Variants in KDM4C observed in about 807,000 individuals in gnomAD.
The protein encoded by KDM4C is lysine demethylase 4C, also known as lysine-specific demethylase 4C.
KDM4C carries 81 observed loss-of-function variants against 129.3 expected under a neutral mutation model. The observed-to-expected ratio is 0.63, with a 90% CI of 0.52 to 0.75. The LOEUF is 0.75. KDM4C is among the 30% of genes least tolerant of loss of function. The pLI is 0.00. For synonymous variants in KDM4C, 573 were observed against 456.1 expected, an observed-to-expected ratio of 1.26 and a Z score of -3.26; for missense variants, 1,457 against 1,304.0, an observed-to-expected ratio of 1.12 and a Z score of -1.81.
chr9:7,068,534 A>G (rs1005945587), intron 17 of KDM4C, among the ~76,000 whole-genome samples: 1 of 152,040 alleles, frequency 6.6e-6, no homozygotes, highest in African/African-American at 2.4e-5. Flanking sequence ...GCCACATGCT[A>G]ATTATTTCAG....
chr9:6,817,128 GT>G (rs1304704846), intron 4 of KDM4C, among the ~76,000 whole-genome samples: 3 of 146,554 alleles, frequency 2.0e-5, no homozygotes, highest in Non-Finnish European at 4.5e-5. Context: ...GTTGGGATTT[GT>G]TTTTCAGTTA....
At chr9:6,869,814 T>TA (rs1842590877) in intron 5 of KDM4C, among the ~76,000 whole-genome samples, 1 of 152,268 alleles carries the variant, frequency 6.6e-6, no homozygotes, top group Admixed American at 6.5e-5. Context: ...GCATCCCCTA[T>TA]AGCCATGCTT....
At chr9:7,074,613 A>G (rs1186443099) in intron 17 of KDM4C, among the ~76,000 whole-genome samples, 1 of 152,214 alleles carries the variant, frequency 6.6e-6, no homozygotes, top group Non-Finnish European at 1.5e-5. Context: ...CTGTCTTTAT[A>G]TTATAAAGGA....
At position 6,729,225 on chromosome 9, in the gene KDM4C, AAAG is replaced by A. The variant is rs1280565840; in HGVS notation, c.49+8237_49+8239del. Among the ~76,000 whole-genome samples the A allele has an allele frequency of 4.5e-3, 539 of 120,410 alleles. 43 individuals are homozygous for A. The highest frequency in any genetic ancestry group is 0.013 in the Middle Eastern group (3 of 228). 79.0% of individuals were successfully genotyped at this position (120,410 alleles called of 152,430 possible). On this transcript the variant is annotated intron_variant, in intron 1 of 17. Coordinates refer to the KDM4C transcript ENST00000536108. ...TCTCCAAAAAAAAAAAAAAAAAAAA[AAAG>A]AAGAAGAAAAGAAATAAATGGAAGA...
intron 17 of KDM4C, among the ~76,000 whole-genome samples, chr9:7,085,848 A>G (rs534952478): frequency 2.7e-5 from 4 of 149,950 alleles, no homozygotes; most frequent in Non-Finnish European, 4.4e-5. Flanking sequence ...TTTCTTTTTT[A>G]TTTTTCATTA....
chr9:6,747,313 C>T (rs993198660), intron 1 of KDM4C, among the ~76,000 whole-genome samples: 45 of 151,532 alleles, frequency 3.0e-4, no homozygotes, highest in Non-Finnish European at 5.5e-4. Context: ...TTTGGGAGGC[C>T]GAGAGGGGCG....
At chr9:7,042,686 C>T (rs958627044) in intron 15 of KDM4C, among the ~76,000 whole-genome samples, 1 of 152,058 alleles carries the variant, frequency 6.6e-6, no homozygotes, top group African/African-American at 2.4e-5. Flanking sequence ...GTGAACTTCA[C>T]AGGGCAGGCA....
intron 1 of KDM4C, among the ~76,000 whole-genome samples, chr9:6,777,398 C>T (rs540687375): frequency 4.6e-5 from 7 of 152,286 alleles, no homozygotes; most frequent in African/African-American, 1.7e-4. Flanking sequence ...TTAGCTGCCC[C>T]AGCTGTTAAG....
upstream of KDM4C, among the ~76,000 whole-genome samples, chr9:6,756,234 T>C (rs904935667): frequency 1.3e-5 from 2 of 152,232 alleles, no homozygotes; most frequent in Admixed American, 1.3e-4. Flanking sequence ...CATTGAATTA[T>C]TATAAGTATT....
intron 17 of KDM4C, among the ~76,000 whole-genome samples, chr9:7,095,623 A>T (rs571035058): frequency 1.3e-5 from 2 of 152,276 alleles, no homozygotes; most frequent in South Asian, 4.1e-4. Context: ...AACTAATGTG[A>T]ATTCAATCAT....
intron 1 of KDM4C, among the ~76,000 whole-genome samples, chr9:6,766,663 A>G (rs1231555807): frequency 1.3e-5 from 2 of 152,126 alleles, no homozygotes; most frequent in Non-Finnish European, 2.9e-5. Context: ...TCTGCTCATT[A>G]GGGCTCTTTC....
intron 8 of KDM4C, among the ~76,000 whole-genome samples, chr9:6,912,805 C>T (rs568005113): frequency 1.3e-5 from 2 of 152,134 alleles, no homozygotes; most frequent in Admixed American, 1.3e-4. Flanking sequence ...TGTTGGTATT[C>T]CCTATGTGTT....
At chr9:6,990,741 C>T (rs188146904) in intron 12 of KDM4C, among the ~76,000 whole-genome samples, 2 of 152,254 alleles carry the variant, frequency 1.3e-5, no homozygotes, top group Admixed American at 6.5e-5. Context: ...TGGTAAAAGT[C>T]TTCCAGTTTT....
chr9:6,998,915 T>G (rs967919385), intron 12 of KDM4C, among the ~76,000 whole-genome samples: 3 of 152,202 alleles, frequency 2.0e-5, no homozygotes, highest in African/African-American at 7.2e-5. Flanking sequence ...GCCCACTGAT[T>G]GCACTTCATT....
At chr9:6,763,311 C>T (rs1489924991) in intron 1 of KDM4C, among the ~76,000 whole-genome samples, 1 of 152,158 alleles carries the variant, frequency 6.6e-6, no homozygotes, top group South Asian at 2.1e-4. Context: ...TTCCCTGTGC[C>T]TGGACTGCTA....
intron 17 of KDM4C, among the ~76,000 whole-genome samples, chr9:7,091,924 A>C (rs938346259): frequency 6.6e-6 from 1 of 152,204 alleles, no homozygotes; most frequent in Non-Finnish European, 1.5e-5. Context: ...GGCTCAGCAC[A>C]TGCTTCTCTG....
At chr9:7,120,384 T>C (rs1424254782) in intron 18 of KDM4C, among the ~76,000 whole-genome samples, 1 of 152,186 alleles carries the variant, frequency 6.6e-6, no homozygotes, top group Non-Finnish European at 1.5e-5. Context: ...TATAAGGGCC[T>C]GTATAATTTC....
intron 1 of KDM4C, among the ~76,000 whole-genome samples, chr9:6,760,445 G>GTGTATATATATATATATATATA (rs139577101): frequency 2.0e-4 from 29 of 142,512 alleles, no homozygotes; most frequent in African/African-American, 7.3e-4. Flanking sequence ...CTACTCTTGG[G>GTGTATATATATATATATATATA]TATATATATA....
intron 8 of KDM4C, among the ~76,000 whole-genome samples, chr9:6,897,920 G>A (rs898373719): frequency 1.2e-4 from 18 of 152,136 alleles, no homozygotes; most frequent in African/African-American, 4.1e-4. Flanking sequence ...TATTTGAGCT[G>A]ACTGTTTTCT....
Sources: gnomAD v4.1 joint callset for allele counts (sites outside exome capture counted in the v4.1 genomes callset) on GRCh38, gnomAD v4.1.1 for gene constraint, MANE v1.5 for transcripts, NCBI Gene and HGNC (gene_info 2026-07-23, HGNC 2026-07-21) for gene names.